The following RYR3 variants were observed in gnomAD, a reference collection of about 807,000 sequenced individuals.
RYR3 encodes brain ryanodine receptor-calcium release channel.
In RYR3, 207 loss-of-function variants were observed where a neutral mutation model predicts 584.3. The ratio of observed to expected loss-of-function variants is 0.35; its 90% CI spans 0.32 to 0.40. The LOEUF is 0.40. RYR3 is among the 10% of genes least tolerant of loss of function. The pLI, the probability that RYR3 is intolerant of heterozygous loss-of-function variation, is 1.00. For missense variants in RYR3, 5,616 were observed against 6,089.2 expected (o/e 0.92, Z 2.59); for synonymous variants, 2,416 against 2,248.5 (o/e 1.07, Z -2.11).
intron 43 of RYR3, among the ~76,000 whole-genome samples, chr15:33,715,178 C>T (rs4780162): frequency 0.83 from 126,967 of 152,206 alleles, 53,054 homozygotes; most frequent in South Asian, 0.9. Flanking sequence ...GAAGGGCATA[C>T]AAGGTGTAGA....
intron 85 of RYR3, among the ~76,000 whole-genome samples, chr15:33,830,563 G>A (rs2077616302): frequency 6.6e-6 from 1 of 152,068 alleles, no homozygotes; most frequent in African/African-American, 2.4e-5. Context: ...ATCAAACTCG[G>A]ATTATCTCTG....
intron 1 of RYR3, among the ~76,000 whole-genome samples, chr15:33,367,682 CA>C (rs781554817): frequency 1.3e-5 from 2 of 152,106 alleles, no homozygotes; most frequent in Non-Finnish European, 2.9e-5. Context: ...ACTATGATTT[CA>C]AAACAAAACA....
intron 9 of RYR3, among the ~76,000 whole-genome samples, chr15:33,549,566 A>G (rs750759730): frequency 2.6e-5 from 4 of 152,246 alleles, no homozygotes; most frequent in African/African-American, 4.8e-5. Flanking sequence ...ATGAAGGACC[A>G]TGAAGAGGAC....
At chr15:33,733,972 C>G (rs558546223) in intron 48 of RYR3, among the ~76,000 whole-genome samples, 1 of 152,140 alleles carries the variant, frequency 6.6e-6, no homozygotes, top group South Asian at 2.1e-4. Context: ...TCAAATATAA[C>G]AATGATCACT....
At position 33,757,546 on chromosome 15, in the gene RYR3, C is replaced by G; in HGVS notation, c.8655C>G (p.Pro2885=). The G allele has an allele frequency of 6.2e-7, 1 of 1,611,598 alleles. No individual in the cohort carries two copies. Among genetic ancestry groups the G allele is most frequent in the Non-Finnish European group, 8.5e-7 (1 of 1,179,184 alleles). ...CLYFLSSPLK[P]LSSSGYASHK... Reference sequence around the variant, plus strand: ...ACTTCTTGTCATCCCCTCTGAAGCCCCTTAGCAGCAGCGGATATGCCTCCC... The same window carrying G: ...ACTTCTTGTCATCCCCTCTGAAGCCGCTTAGCAGCAGCGGATATGCCTCCC... The change falls in exon 60 of 104, where the codon CCC becomes CCG. Residue 2885 remains proline (P), a synonymous_variant. Coordinates refer to ENST00000634891, the MANE Select transcript of RYR3 (RefSeq NM_001036.6).
chr15:33,358,046 C>T (rs886992338), intron 1 of RYR3, among the ~76,000 whole-genome samples: 2 of 152,212 alleles, frequency 1.3e-5, no homozygotes. Flanking sequence ...AGGGCACGCT[C>T]TTAACCTCTA....
chr15:33,473,505 C>G lies in RYR3; in HGVS notation c.138C>G (p.Arg46=). 1 of 1,613,984 alleles carries G rather than the reference C, an allele frequency of 6.2e-7. No homozygotes were observed. Among genetic ancestry groups the G allele is most frequent in the Non-Finnish European group, 8.5e-7 (1 of 1,179,894 alleles). Residue 46 remains arginine, a synonymous_variant, in exon 2 of 104, where the codon CGC becomes CGG. Coordinates refer to ENST00000634891, the MANE Select transcript of RYR3 (RefSeq NM_001036.6). The stretch of plus-strand genomic sequence containing the variant: ...TGGCAGCCGAGGGACTTGGGAATCG[C>G]CTGTGCTTCTTGGAACCCACTTCAG... The part of the protein sequence containing the change: ...FCLAAEGLGN[R]LCFLEPTSEA...
chr15:33,387,107 T>C lies in RYR3; in HGVS notation c.51+76011T>C, dbSNP rs538619486. On this transcript the variant is annotated intron_variant, in intron 1 of 103. Transcript: ENST00000634891. ...CTCCTGACCTCGTGATCCACCTGCC[T>C]CAGCCTCCCAAAGTGCTGGGATTAC... Among the ~76,000 whole-genome samples, 17 of 152,314 alleles carry C rather than the reference T, an allele frequency of 1.1e-4. No individual in the cohort carries two copies. In the East Asian group the frequency reaches 3.3e-3, roughly 29 times the overall value.
intron 25 of RYR3, among the ~76,000 whole-genome samples, chr15:33,635,390 T>G (rs1235536852): frequency 6.6e-6 from 1 of 152,190 alleles, no homozygotes; most frequent in Non-Finnish European, 1.5e-5. Flanking sequence ...TGAGAAGTGG[T>G]CTCTAAAGGA....
At position 33,826,361 on chromosome 15, in the gene RYR3, G is replaced by A. The variant is rs920674159; in HGVS notation, c.11164+92G>A. ...TCAGCACAGAAACATTTTAGGCTTG[G>A]TAGTTGCATGTTGAGTTGAACTCAG... On this transcript the variant is annotated intron_variant, in intron 83 of 103. Transcript: ENST00000634891. The A allele has an allele frequency of 7.0e-6, 9 of 1,284,328 alleles. No individual in the cohort carries two copies. In the Admixed American group the frequency reaches 1.2e-4, roughly 17 times the overall value. 79.6% of individuals were successfully genotyped at this position (1,284,328 alleles called of 1,614,324 possible). A position where few individuals can be genotyped will look rare whatever the true frequency, so the allele number is the denominator to read the frequency against.
chr15:33,465,066 A>G, intron 1 of RYR3, among the ~76,000 whole-genome samples: 1 of 152,194 alleles, frequency 6.6e-6, no homozygotes, highest in Non-Finnish European at 1.5e-5. Context: ...TGCAAGTGAC[A>G]TGATGCCCTT....
chr15:33,829,626 G>A (rs2077560974), intron 85 of RYR3, among the ~76,000 whole-genome samples: 1 of 152,026 alleles, frequency 6.6e-6, no homozygotes, highest in Non-Finnish European at 1.5e-5. Flanking sequence ...GGTGGCGGGT[G>A]CCTGTAGTCC....
intron 69 of RYR3, among the ~76,000 whole-genome samples, chr15:33,805,593 T>A (rs933955861): frequency 1.3e-5 from 2 of 151,826 alleles, no homozygotes; most frequent in Non-Finnish European, 2.9e-5. Flanking sequence ...TTCTCCTGCC[T>A]CAGCCTCCCA....
At position 33,748,185 on chromosome 15, in the gene RYR3, G is replaced by A; in HGVS notation, c.8061G>A (p.Glu2687=). The A allele has an allele frequency of 6.2e-7, 1 of 1,613,908 alleles. No homozygotes were observed. The highest frequency in any genetic ancestry group is 8.5e-7 in the Non-Finnish European group (1 of 1,179,808). Residue 2687 remains glutamate, a synonymous_variant, in exon 54 of 104, where the codon GAG becomes GAA. Coordinates refer to ENST00000634891, the MANE Select transcript of RYR3 (RefSeq NM_001036.6). ...KTMLAVGWTV[E]RTKEGEALVQ... ...TGCTGGCTGTGGGCTGGACTGTGGA[G>A]AGGACCAAAGAGGGAGAAGCTTTGG... is the stretch of plus-strand genomic sequence containing the variant.
chr15:33,352,614 A>G (rs1326669904), intron 1 of RYR3, among the ~76,000 whole-genome samples: 1 of 152,204 alleles, frequency 6.6e-6, no homozygotes, highest in African/African-American at 2.4e-5. Context: ...GGCTTTAAAA[A>G]GACAGTGGTA....
At chr15:33,369,224 C>G (rs1255948990) in intron 1 of RYR3, among the ~76,000 whole-genome samples, 1 of 152,158 alleles carries the variant, frequency 6.6e-6, no homozygotes, top group Non-Finnish European at 1.5e-5. Context: ...GCTCCAGGAC[C>G]AAACCCTAGC....
intron 8 of RYR3, among the ~76,000 whole-genome samples, chr15:33,547,765 G>A (rs557980286): frequency 6.6e-6 from 1 of 152,294 alleles, no homozygotes; most frequent in East Asian, 1.9e-4. Context: ...AACTACATCA[G>A]GGAGCTTGAC....
At position 33,825,150 on chromosome 15, in the gene RYR3, T is replaced by C. The variant is rs111976386; in HGVS notation, c.11073-453T>C. On this transcript the variant is annotated intron_variant, in intron 81 of 103. Transcript: ENST00000634891. ...GAAGTTTGTAGCTCATCCTAAGCTC[T>C]GGAAACCACAATTCCATGTGATTCT... Among the ~76,000 whole-genome samples the C allele has an allele frequency of 3.6e-3, 556 of 152,362 alleles. 3 individuals are homozygous for C. Among genetic ancestry groups the C allele is most frequent in the African/African-American group, 0.012 (502 of 41,580 alleles).
rs2065854089 is a variant in RYR3, at chr15:33,696,202, C to G, written c.5861-16C>G. ...CATGACAGCCACAGTCCTGCTCCCT[C>G]CTGTTGTCCTTCCAGCAACATTGAA... is the stretch of plus-strand genomic sequence containing the variant. On this transcript the variant is annotated splice_polypyrimidine_tract_variant and intron_variant, in intron 38 of 103. Transcript: ENST00000634891. 3 of 1,610,470 alleles carry G rather than the reference C, an allele frequency of 1.9e-6. No individual in the cohort carries two copies. Among genetic ancestry groups the G allele is most frequent in the East Asian group, 4.5e-5 (2 of 44,828 alleles).
Sources: allele counts gnomAD v4.1 joint callset (sites outside exome capture counted in the v4.1 genomes callset), GRCh38; gene constraint gnomAD v4.1.1; transcripts MANE v1.5; gene names NCBI Gene and HGNC (gene_info 2026-07-23, HGNC 2026-07-21).